PARD3B: variants seen among roughly 807,000 people sequenced by gnomAD.
PARD3B encodes partitioning defective 3 homolog B.
PARD3B carries 103 observed loss-of-function variants against 130.2 expected under a neutral mutation model. The ratio of observed to expected loss-of-function variants is 0.79; its 90% CI spans 0.67 to 0.93. The LOEUF (loss-of-function observed/expected upper bound fraction) is 0.93, where lower values mean the gene tolerates loss of function less well. Ranked by LOEUF, PARD3B falls within the 40% of genes least tolerant of loss-of-function variation. PARD3B has a pLI of 0.00. For synonymous variants in PARD3B, 583 were observed against 553.2 expected, an observed-to-expected ratio of 1.05 and a Z score of -0.76; for missense variants, 1,609 against 1,499.2, an observed-to-expected ratio of 1.07 and a Z score of -1.21.
intron 3 of PARD3B, among the ~76,000 whole-genome samples, chr2:205,009,492 AAACCC>A (rs1695536960): frequency 6.6e-6 from 1 of 151,660 alleles, no homozygotes; most frequent in South Asian, 2.1e-4. Context: ...TAACACAGTG[AAACCC>A]TGTCTCTACT....
intron 2 of PARD3B, among the ~76,000 whole-genome samples, chr2:204,879,627 A>G (rs907445775): frequency 6.6e-6 from 1 of 152,188 alleles, no homozygotes; most frequent in African/African-American, 2.4e-5. Flanking sequence ...AAATGCCTGT[A>G]TGGGTTGTGG....
chr2:205,104,943 T>C (rs1157367904), intron 5 of PARD3B, among the ~76,000 whole-genome samples: 1 of 152,134 alleles, frequency 6.6e-6, no homozygotes, highest in Admixed American at 6.5e-5. Flanking sequence ...CTTGTAATAG[T>C]TTACTTGATG....
intron 2 of PARD3B, among the ~76,000 whole-genome samples, chr2:204,732,500 A>G (rs1255209345): frequency 1.4e-5 from 2 of 138,634 alleles, no homozygotes; most frequent in Non-Finnish European, 3.1e-5. Flanking sequence ...GAAGAAAGTA[A>G]GGATATCTTT....
intron 2 of PARD3B, among the ~76,000 whole-genome samples, chr2:204,775,485 A>G (rs1014006478): frequency 6.6e-6 from 1 of 152,108 alleles, no homozygotes; most frequent in Non-Finnish European, 1.5e-5. Context: ...GTTGAGGAAA[A>G]TGAGATTTAA....
intron 2 of PARD3B, among the ~76,000 whole-genome samples, chr2:204,891,831 G>A (rs2046458713): frequency 6.6e-6 from 1 of 152,132 alleles, no homozygotes; most frequent in Admixed American, 6.5e-5. Flanking sequence ...GGCAGTTCTA[G>A]AGCTTTGTGC....
chr2:204,823,824 C>A (rs2043462858), intron 2 of PARD3B, among the ~76,000 whole-genome samples: 1 of 151,878 alleles, frequency 6.6e-6, no homozygotes, highest in African/African-American at 2.4e-5. Flanking sequence ...CCTATAATCC[C>A]AGCTACTTGG....
In PARD3B at chr2:205,608,778, A is replaced by G. The variant is rs1005131093; in HGVS notation, c.3261-6678A>G. On this transcript the variant is annotated intron_variant, in intron 22 of 22. Transcript: ENST00000406610. ...AGTTTGTTAATAACTCAATTCTTGT[A>G]TTTGTGGTCATTGTTTAAAAAAAAA... Among the ~76,000 whole-genome samples the G allele has an allele frequency of 2.6e-5, 4 of 152,204 alleles. No homozygotes were observed. The East Asian group carries it at 5.8e-4, about 22-fold the overall frequency.
At chr2:205,517,526 A>AACAACTTCTGGAATCAT (rs1005848526) in intron 21 of PARD3B, among the ~76,000 whole-genome samples, 15 of 152,174 alleles carry the variant, frequency 9.9e-5, no homozygotes, top group African/African-American at 3.1e-4. Context: ...TTTTCAAAAA[A>AACAACTTCTGGAATCAT]ACAACTTCTG....
intron 18 of PARD3B, among the ~76,000 whole-genome samples, chr2:205,323,832 G>C (rs2042842590): frequency 6.6e-6 from 1 of 152,118 alleles, no homozygotes; most frequent in South Asian, 2.1e-4. Flanking sequence ...ACTGCAGAAG[G>C]GTGTTTATTA....
rs550715132 is a variant in PARD3B at position 205,458,381 on chromosome 2, T to A, written c.3044+17709T>A. Among the ~76,000 whole-genome samples, 1 of 152,212 alleles carries A rather than the reference T, an allele frequency of 6.6e-6. No homozygotes were observed. Among genetic ancestry groups the A allele is most frequent in the Non-Finnish European group, 1.5e-5 (1 of 68,004 alleles). ...CAAAAATATTTGACCTTTCTGTACA[T>A]GCGTCTTGCTCTCTGTTCGTTTCTG... On this transcript the variant is annotated intron_variant, in intron 20 of 22. Coordinates refer to ENST00000406610, the MANE Select transcript of PARD3B (RefSeq NM_001302769.2). This position sits in a 1 kb window ranked among gnomAD's most constrained non-coding sequence, Gnocchi z 4.8.
At position 205,364,557 on chromosome 2, in the gene PARD3B, A is replaced by C. The variant is rs2044526703; in HGVS notation, c.2631-36456A>C. On this transcript the variant is annotated intron_variant, in intron 18 of 22. Transcript: ENST00000406610. The stretch of plus-strand genomic sequence containing the variant: ...CCATCTTTTATTTGTGTGGAAGCTC[A>C]AGGCATTAGTCCTCTTAAAAATCTC... 2.0e-5 allele frequency among the ~76,000 whole-genome samples: 3 copies of C among 152,166 alleles called. 1 individual carries two copies. The South Asian group carries it at 6.2e-4, about 32-fold the overall frequency.
chr2:204,861,765 A>T (rs1471197698), intron 2 of PARD3B, among the ~76,000 whole-genome samples: 2 of 152,044 alleles, frequency 1.3e-5, no homozygotes, highest in Non-Finnish European at 2.9e-5. Context: ...GGGCTGCAAG[A>T]GGGAAGCATG....
intron 22 of PARD3B, among the ~76,000 whole-genome samples, chr2:205,557,862 C>T (rs559722889): frequency 1.3e-5 from 2 of 152,248 alleles, no homozygotes; most frequent in East Asian, 1.9e-4. Context: ...TACCCTCTCT[C>T]GGCAGCATCT....
In PARD3B at chr2:205,113,472, T is replaced by G. The variant is rs199760863; in HGVS notation, c.594-19T>G. ...TTTTAGCAGACACTCATTTGTGCTCTTGTTTTTTTCTGCCCCAGTGATATG... is the reference window on the plus strand; with the variant it reads ...TTTTAGCAGACACTCATTTGTGCTCGTGTTTTTTTCTGCCCCAGTGATATG... On this transcript the variant is annotated intron_variant, in intron 5 of 22. Transcript: ENST00000406610. 9 of 1,596,378 alleles carry G rather than the reference T, an allele frequency of 5.6e-6. No individual in the cohort carries two copies. In the East Asian group the frequency reaches 2.0e-4, roughly 36 times the overall value.
chr2:205,297,693 C>G (rs1455298927), intron 16 of PARD3B, among the ~76,000 whole-genome samples: 1 of 152,186 alleles, frequency 6.6e-6, no homozygotes, highest in Non-Finnish European at 1.5e-5. Flanking sequence ...AGTCCCTACT[C>G]TACAGCTACA....
rs201526372 is a variant in PARD3B at position 205,057,296 on chromosome 2, CATGT to C, written c.504+9613_504+9616del. Among the ~76,000 whole-genome samples, 676 of 146,738 alleles carry C rather than the reference CATGT, an allele frequency of 4.6e-3. 7 individuals are homozygous for C. The highest frequency in any genetic ancestry group is 0.016 in the African/African-American group (639 of 39,868). On this transcript the variant is annotated intron_variant, in intron 4 of 22. Coordinates refer to ENST00000406610, the MANE Select transcript of PARD3B (RefSeq NM_001302769.2). ...TATGTTATATACATATACATATATACATGTATGTATTCGTATATGTATGTTATAT... is the reference window on the plus strand; with the variant it reads ...TATGTTATATACATATACATATATACATGTATTCGTATATGTATGTTATAT...
At chr2:205,192,889 A>G (rs1370845553) in intron 14 of PARD3B, among the ~76,000 whole-genome samples, 1 of 152,196 alleles carries the variant, frequency 6.6e-6, no homozygotes, top group African/African-American at 2.4e-5. Context: ...TTGAAGTGCT[A>G]GTGTTTTCCA....
intron 15 of PARD3B, among the ~76,000 whole-genome samples, chr2:205,224,370 C>CA (rs1231030778): frequency 0.027 from 1,503 of 55,940 alleles, 108 homozygotes; most frequent in South Asian, 0.072. Context: ...GACTCCGTCT[C>CA]AAAAAAAAAA....
intron 18 of PARD3B, among the ~76,000 whole-genome samples, chr2:205,388,427 G>A (rs1216444736): frequency 6.6e-6 from 1 of 152,198 alleles, no homozygotes; most frequent in African/African-American, 2.4e-5. Flanking sequence ...GCTGTGGACA[G>A]ACTATAAATC....
Sources: gnomAD v4.1 joint callset for allele counts (sites outside exome capture counted in the v4.1 genomes callset) on GRCh38, gnomAD v4.1.1 for gene constraint, Gnocchi (gnomAD v3.1) non-coding constraint, MANE v1.5 for transcripts, NCBI Gene and HGNC (gene_info 2026-07-23, HGNC 2026-07-21) for gene names.